Variants in TENM4 observed in about 807,000 individuals in gnomAD.
The protein encoded by TENM4 is teneurin-4.
In TENM4, 82 loss-of-function variants were observed where a neutral mutation model predicts 243.3. That is an observed-to-expected ratio of 0.34 (90% CI 0.28 to 0.40). The LOEUF (loss-of-function observed/expected upper bound fraction) is 0.40, where lower values mean the gene tolerates loss of function less well. TENM4 is among the 10% of genes least tolerant of loss of function. The probability of loss-of-function intolerance (pLI) is 1.00; values close to 1 mark genes in which losing one functional copy is unlikely to be tolerated. For missense variants in TENM4, 3,138 were observed against 3,673.3 expected (o/e 0.85, Z 3.77); for synonymous variants, 1,412 against 1,456.3 (o/e 0.97, Z 0.69).
At chr11:78,728,526 C>T (rs75788827) in intron 22 of TENM4, among the ~76,000 whole-genome samples, 3,890 of 151,128 alleles carry the variant, frequency 0.026, 159 homozygotes, top group African/African-American at 0.091. Flanking sequence ...CCTCTTCCCG[C>T]CTCCTTCCCT....
chr11:78,829,685 T>A (rs907402162), intron 12 of TENM4, among the ~76,000 whole-genome samples: 1 of 152,188 alleles, frequency 6.6e-6, no homozygotes, highest in Non-Finnish European at 1.5e-5. Flanking sequence ...TCTCTCTGTG[T>A]CTCAGTTTCC....
In TENM4 at chr11:79,352,786, G is replaced by A. The variant is rs187084622; in HGVS notation, c.-320-55243C>T. 4.6e-3 allele frequency among the ~76,000 whole-genome samples: 699 copies of A among 152,278 alleles called. 16 individuals are homozygous for A. The highest frequency in any genetic ancestry group is 2.3e-3 in the Non-Finnish European group (157 of 68,026). On this transcript the variant is annotated intron_variant, in intron 1 of 33. Transcript: ENST00000278550. ...GGGAGGAAGAGAGCGGGAGACAAAA[G>A]GGCAGACAGATGGGAGACACAAAAA... is the stretch of plus-strand genomic sequence containing the variant.
chr11:79,321,517 C>A (rs1856888222), intron 1 of TENM4, among the ~76,000 whole-genome samples: 1 of 151,926 alleles, frequency 6.6e-6, no homozygotes, highest in African/African-American at 2.4e-5. Context: ...GGGGAGGGGG[C>A]TAACTACCCA....
chr11:79,206,067 C>A (rs1302858900), intron 3 of TENM4, among the ~76,000 whole-genome samples: 1 of 152,220 alleles, frequency 6.6e-6, no homozygotes. Context: ...CTGTCCAAGT[C>A]CTTTAGCCTC....
chr11:79,022,485 G>A (rs1858957530), intron 6 of TENM4, among the ~76,000 whole-genome samples: 1 of 152,110 alleles, frequency 6.6e-6, no homozygotes, highest in Non-Finnish European at 1.5e-5. Flanking sequence ...CCAGGACCAG[G>A]GGAGAGCAGT....
In TENM4 at chr11:78,661,621, A is replaced by T. The variant is rs1858032378; in HGVS notation, c.7409-30T>A. 6.2e-6 allele frequency: 10 copies of T among 1,608,684 alleles called. No homozygotes were observed. The East Asian group carries it at 2.2e-4, about 36-fold the overall frequency. ...ATGGGAGGGAAGCAGAAACATCTCC[A>T]TGGAGTGAGTGGACCTCATTTGCAA... On this transcript the variant is annotated intron_variant, in intron 32 of 33. Transcript: ENST00000278550.
intron 1 of TENM4, among the ~76,000 whole-genome samples, chr11:79,364,082 T>C (rs1463726910): frequency 6.6e-6 from 1 of 152,232 alleles, no homozygotes; most frequent in Non-Finnish European, 1.5e-5. Flanking sequence ...CTGATCGAGA[T>C]GGAAAAATGC....
intron 1 of TENM4, among the ~76,000 whole-genome samples, chr11:79,390,416 G>C (rs982572411): frequency 6.6e-6 from 1 of 152,300 alleles, no homozygotes; most frequent in African/African-American, 2.4e-5. Flanking sequence ...TCCCTTCCTG[G>C]CACCTCTGTG....
chr11:79,020,596 T>C (rs1858900571), intron 6 of TENM4, among the ~76,000 whole-genome samples: 1 of 129,852 alleles, frequency 7.7e-6, no homozygotes, highest in South Asian at 2.2e-4. Context: ...CCCTGGAATG[T>C]AAATGCAATT....
At chr11:79,022,897 C>A (rs1439950774) in intron 6 of TENM4, among the ~76,000 whole-genome samples, 9 of 152,180 alleles carry the variant, frequency 5.9e-5, no homozygotes, top group Non-Finnish European at 1.5e-5. Flanking sequence ...ACTCTATAGA[C>A]ATTATCTCTA....
At chr11:79,086,521 C>G (rs956559294) in intron 4 of TENM4, among the ~76,000 whole-genome samples, 2 of 152,158 alleles carry the variant, frequency 1.3e-5, no homozygotes, top group Non-Finnish European at 2.9e-5. Flanking sequence ...AGGATCAGAT[C>G]ATTAAGGTAT....
intron 4 of TENM4, among the ~76,000 whole-genome samples, chr11:79,147,184 A>G (rs1862409840): frequency 6.6e-6 from 1 of 152,126 alleles, no homozygotes; most frequent in African/African-American, 2.4e-5. Context: ...ACAAAGGCAC[A>G]TATATTTGTA....
chr11:79,301,426 C>G (rs1182103918), intron 1 of TENM4, among the ~76,000 whole-genome samples: 4 of 152,200 alleles, frequency 2.6e-5, no homozygotes, highest in African/African-American at 7.2e-5. Context: ...CTCTGCCTGG[C>G]TGACCCAAAT....
rs12798092 is a variant in TENM4 at position 79,138,464 on chromosome 11, A to C, written c.-66+10246T>G. Among the ~76,000 whole-genome samples the C allele has an allele frequency of 7.4e-5, 8 of 108,710 alleles. No individual in the cohort carries two copies. The Admixed American group carries it at 8.3e-4, about 11-fold the overall frequency. The allele number at this position is 108,710 out of a possible 152,430, so 71.3% of individuals were successfully genotyped here. A position where few individuals can be genotyped will look rare whatever the true frequency, so the allele number is the denominator to read the frequency against. ...ATTATATTTATATATAATATATTTT[A>C]ATATATTATATACAAATAATATATA... On this transcript the variant is annotated intron_variant, in intron 4 of 33. Transcript: ENST00000278550.
At chr11:79,314,542 C>T (rs1056965731) in intron 1 of TENM4, among the ~76,000 whole-genome samples, 6 of 152,196 alleles carry the variant, frequency 3.9e-5, no homozygotes, top group African/African-American at 9.7e-5. Flanking sequence ...ATCTACCTCA[C>T]AGTTCTGTTG....
At chr11:79,335,154 C>G (rs1393701765) in intron 1 of TENM4, among the ~76,000 whole-genome samples, 2 of 152,152 alleles carry the variant, frequency 1.3e-5, no homozygotes, top group African/African-American at 4.8e-5. Context: ...AGGGATTGGG[C>G]CTGATTGTTT....
chr11:79,139,859 T>C (rs1011549969), intron 4 of TENM4, among the ~76,000 whole-genome samples: 17 of 132,328 alleles, frequency 1.3e-4, no homozygotes, highest in Admixed American at 6.0e-4. Context: ...TATATGTATT[T>C]TCCATTAGTT....
chr11:78,683,484 G>A (rs1380029836), intron 29 of TENM4, among the ~76,000 whole-genome samples: 1 of 78,978 alleles, frequency 1.3e-5, no homozygotes, highest in Non-Finnish European at 2.7e-5. Flanking sequence ...CTCGTGGTGC[G>A]CCGTTTCTTA....
chr11:78,820,018 A>G (rs184888563), intron 12 of TENM4, among the ~76,000 whole-genome samples: 8 of 152,292 alleles, frequency 5.3e-5, no homozygotes, highest in Admixed American at 1.3e-4. Flanking sequence ...GGTGACATTT[A>G]TACTTCAGGT....
Sources: allele counts gnomAD v4.1 joint callset (sites outside exome capture counted in the v4.1 genomes callset), GRCh38; gene constraint gnomAD v4.1.1; transcripts MANE v1.5; gene names NCBI Gene and HGNC (gene_info 2026-07-23, HGNC 2026-07-21).